Variants in ACYP2 observed in about 807,000 individuals in gnomAD.
ACYP2 encodes the protein acylphosphatase-2.
Under a neutral mutation model 11.2 loss-of-function variants are expected in ACYP2, and 12 were observed. The ratio of observed to expected loss-of-function variants is 1.08; its 90% CI spans 0.69 to 1.74. ACYP2 has a LOEUF of 1.74. Among genes scored for constraint, ACYP2 ranks in the 40% most tolerant of loss-of-function variants. The probability of loss-of-function intolerance (pLI) is 0.00; values close to 1 mark genes in which losing one functional copy is unlikely to be tolerated. For synonymous variants in ACYP2, 43 were observed against 32.2 expected (o/e 1.33, Z -1.13); for missense variants, 134 against 101.9 (o/e 1.31, Z -1.35).
chr2:54,227,289 G>C (rs7577156), intron 6 of ACYP2, among the ~76,000 whole-genome samples: 2,335 of 152,254 alleles, frequency 0.015, 56 homozygotes, highest in African/African-American at 0.054. Flanking sequence ...TTATTTTTAA[G>C]AGTTTGAAGT....
At chr2:54,122,581 G>A (rs1010602768) in intron 4 of ACYP2, among the ~76,000 whole-genome samples, 8 of 152,202 alleles carry the variant, frequency 5.3e-5, no homozygotes, top group East Asian at 1.9e-4. Flanking sequence ...AGAGGGCTGT[G>A]TTCCAGCCAA....
At chr2:54,089,547 G>T (rs1678113267) in intron 4 of ACYP2, among the ~76,000 whole-genome samples, 2 of 152,068 alleles carry the variant, frequency 1.3e-5, no homozygotes, top group African/African-American at 4.8e-5. Flanking sequence ...AGACCAGCCT[G>T]GGCAACATAG....
intron 6 of ACYP2, among the ~76,000 whole-genome samples, chr2:54,232,582 G>GT (rs992392795): frequency 6.6e-6 from 1 of 152,148 alleles, no homozygotes; most frequent in Non-Finnish European, 1.5e-5. Context: ...AAGGAAATGG[G>GT]TATTAGTCCA....
At chr2:54,031,832 A>T (rs181989265) in intron 2 of ACYP2, among the ~76,000 whole-genome samples, 252 of 152,214 alleles carry the variant, frequency 1.7e-3, no homozygotes, top group African/African-American at 5.8e-3. Flanking sequence ...CTGGTGTGAG[A>T]TGGTTTCTCA....
chr2:54,239,614 CT>C (rs1165166848), intron 6 of ACYP2, among the ~76,000 whole-genome samples: 1 of 152,148 alleles, frequency 6.6e-6, no homozygotes, highest in Non-Finnish European at 1.5e-5. Flanking sequence ...GCCATATGTC[CT>C]TGTTAGAAAC....
intron 2 of ACYP2, among the ~76,000 whole-genome samples, chr2:53,974,440 A>G (rs1573419462): frequency 6.6e-6 from 1 of 152,142 alleles, no homozygotes; most frequent in African/African-American, 2.4e-5. Context: ...TATAGTTTCT[A>G]TTTTTTCCTA....
chr2:53,979,266 T>C (rs1437801549), intron 2 of ACYP2, among the ~76,000 whole-genome samples: 3 of 152,090 alleles, frequency 2.0e-5, no homozygotes, highest in African/African-American at 7.2e-5. Flanking sequence ...GTTTGTGTCT[T>C]CATTTTTAAC....
intron 4 of ACYP2, among the ~76,000 whole-genome samples, chr2:54,075,720 G>A (rs1211091456): frequency 6.6e-6 from 1 of 151,958 alleles, no homozygotes; most frequent in Admixed American, 6.6e-5. Context: ...GGCTGAGACA[G>A]GAGAATCACC....
intron 2 of ACYP2, among the ~76,000 whole-genome samples, chr2:54,009,121 C>G (rs1334956046): frequency 6.6e-6 from 1 of 151,382 alleles, no homozygotes; most frequent in East Asian, 1.9e-4. Context: ...CCACTGCACT[C>G]CAGTCTGGGC....
chr2:54,275,080 A>G (rs1263288597), intron 6 of ACYP2, among the ~76,000 whole-genome samples: 1 of 152,236 alleles, frequency 6.6e-6, no homozygotes, highest in Non-Finnish European at 1.5e-5. Flanking sequence ...AGAAGAAAAA[A>G]AACCTCCTTG....
chr2:54,043,306 G>A (rs1485500756), intron 2 of ACYP2, among the ~76,000 whole-genome samples: 3 of 152,186 alleles, frequency 2.0e-5, no homozygotes, highest in African/African-American at 7.2e-5. Context: ...ACTCAGACCA[G>A]TGGTTCTCAA....
chr2:53,990,021 C>T (rs577027970), intron 2 of ACYP2, among the ~76,000 whole-genome samples: 3 of 149,862 alleles, frequency 2.0e-5, no homozygotes, highest in Non-Finnish European at 3.0e-5. Context: ...GCTCTGTTGC[C>T]CAGGCTGAGT....
At chr2:54,045,678 T>C (rs1474358746) in intron 2 of ACYP2, among the ~76,000 whole-genome samples, 1 of 151,808 alleles carries the variant, frequency 6.6e-6, no homozygotes, top group African/African-American at 2.4e-5. Flanking sequence ...TAGCTGGGTG[T>C]GGTGGCAGTC....
intron 6 of ACYP2, among the ~76,000 whole-genome samples, chr2:54,297,321 C>G (rs1003585950): frequency 6.8e-6 from 1 of 148,074 alleles, no homozygotes; most frequent in Admixed American, 6.6e-5. Flanking sequence ...TACTGAGACT[C>G]CATCTCCACA....
intron 6 of ACYP2, among the ~76,000 whole-genome samples, chr2:54,209,185 A>C (rs2103926613): frequency 6.6e-6 from 1 of 152,222 alleles, no homozygotes; most frequent in South Asian, 2.1e-4. Context: ...ATTGGATTTA[A>C]AAAAATATAT....
At chr2:54,185,245 A>G (rs10211315) in intron 6 of ACYP2, among the ~76,000 whole-genome samples, 2,527 of 152,238 alleles carry the variant, frequency 0.017, 67 homozygotes, top group African/African-American at 0.057. Context: ...CACACAAAAA[A>G]TGGTTTGCTG....
At chr2:54,025,360 A>C (rs10181999) in intron 2 of ACYP2, among the ~76,000 whole-genome samples, 70,473 of 151,962 alleles carry the variant, frequency 0.46, 16,545 homozygotes, top group South Asian at 0.54. Flanking sequence ...CCAAAACAGC[A>C]TGGTATTGGC....
intron 6 of ACYP2, among the ~76,000 whole-genome samples, chr2:54,303,940 A>T (rs757533839): frequency 2.6e-5 from 4 of 152,234 alleles, no homozygotes; most frequent in Non-Finnish European, 5.9e-5. Flanking sequence ...AGCAATATAC[A>T]ATAGGCCTGA....
intron 6 of ACYP2, among the ~76,000 whole-genome samples, chr2:54,166,574 C>T (rs1371238724): frequency 6.6e-6 from 1 of 152,162 alleles, no homozygotes; most frequent in East Asian, 1.9e-4. Context: ...TTATCATGTC[C>T]ACATCTCCAG....
Sources: allele counts gnomAD v4.1 joint callset (sites outside exome capture counted in the v4.1 genomes callset), GRCh38; gene constraint gnomAD v4.1.1; transcripts MANE v1.5; gene names NCBI Gene and HGNC (gene_info 2026-07-23, HGNC 2026-07-21).